Variants in AGAP1 observed in about 807,000 individuals in gnomAD.
AGAP1 encodes ArfGAP with GTPase domain, ankyrin repeat and PH domain 1.
A neutral mutation model predicts 105.3 loss-of-function variants in AGAP1; 29 were observed. The observed-to-expected ratio is 0.28, with a 90% CI of 0.21 to 0.38. The LOEUF (loss-of-function observed/expected upper bound fraction) is 0.38. AGAP1 is among the 10% of genes least tolerant of loss of function. The probability of loss-of-function intolerance (pLI) is 1.00; values close to 1 mark genes in which losing one functional copy is unlikely to be tolerated. For missense variants in AGAP1, 998 were observed against 1,165.1 expected, an observed-to-expected ratio of 0.86 and a Z score of 2.09; for synonymous variants, 509 against 485.9, an observed-to-expected ratio of 1.05 and a Z score of -0.63.
chr2:235,971,607 G>A lies in AGAP1; in HGVS notation c.1645+2984G>A, dbSNP rs185171564. Among the ~76,000 whole-genome samples, 155 of 151,872 alleles carry A rather than the reference G, an allele frequency of 1.0e-3. No homozygotes were observed. The highest frequency in any genetic ancestry group is 3.5e-3 in the African/African-American group (145 of 41,466). On this transcript the variant is annotated intron_variant, in intron 13 of 17. Coordinates refer to ENST00000304032, the MANE Select transcript of AGAP1 (RefSeq NM_001037131.3). The surrounding 1 kb of genome is among the most constrained non-coding windows in gnomAD (Gnocchi z 4.8). ...TGGGAGGCTGAGGCAGGAGAATGGCGTGAACCCAGGAGGTGGAGCTTGCAG... is the reference window on the plus strand; with the variant it reads ...TGGGAGGCTGAGGCAGGAGAATGGCATGAACCCAGGAGGTGGAGCTTGCAG...
Position 235,992,964 on chromosome 2 carries a change from C to A in AGAP1, c.1645+24341C>A, listed in dbSNP as rs546272500. Reference sequence around the variant, plus strand: ...GGCCACATAGTGGAACTGGAAATGCCTCCATGCTGACGTGTCTGCCTTTCA... The same window carrying A: ...GGCCACATAGTGGAACTGGAAATGCATCCATGCTGACGTGTCTGCCTTTCA... On this transcript the variant is annotated intron_variant, in intron 13 of 17. Transcript: ENST00000304032. The surrounding 1 kb of genome is among the most constrained non-coding windows in gnomAD (Gnocchi z 4.8). Among the ~76,000 whole-genome samples the A allele has an allele frequency of 3.3e-5, 5 of 152,268 alleles. No individual in the cohort carries two copies. Among genetic ancestry groups the A allele is most frequent in the Admixed American group, 2.6e-4 (4 of 15,290 alleles).
intron 17 of AGAP1, among the ~76,000 whole-genome samples, chr2:236,122,037 A>G (rs6710615): frequency 0.44 from 66,445 of 149,390 alleles, 14,921 homozygotes; most frequent in Middle Eastern, 0.54. Flanking sequence ...CTGTAACCTC[A>G]AACTCCTGGG....
chr2:235,866,690 T>G lies in AGAP1; in HGVS notation c.1051-16655T>G, dbSNP rs2049185857. 6.6e-6 allele frequency among the ~76,000 whole-genome samples: 1 copy of G among 152,208 alleles called. No individual in the cohort carries two copies. Among genetic ancestry groups the G allele is most frequent in the Admixed American group, 6.5e-5 (1 of 15,282 alleles). ...TGTCTTAAACAGCAAACATTTATTG[T>G]CTCCCAATTCTGGAGGCTGGAAGTC... On this transcript the variant is annotated intron_variant, in intron 9 of 17. Coordinates refer to ENST00000304032, the MANE Select transcript of AGAP1 (RefSeq NM_001037131.3). This position sits in a 1 kb window ranked among gnomAD's most constrained non-coding sequence, Gnocchi z 6.1.
Position 236,090,784 on chromosome 2 carries a change from G to C in AGAP1, c.2115-29408G>C, listed in dbSNP as rs2059039288. The stretch of plus-strand genomic sequence containing the variant: ...GACAGAGTTTGGTTCTTGTTGCCCA[G>C]CCTGGAGTGCAGTGGCACGATCTTG... On this transcript the variant is annotated intron_variant, in intron 16 of 17. Transcript: ENST00000304032. The surrounding 1 kb of genome is among the most constrained non-coding windows in gnomAD (Gnocchi z 4.3). Among the ~76,000 whole-genome samples, 1 of 152,136 alleles carries C rather than the reference G, an allele frequency of 6.6e-6. No homozygotes were observed. The highest frequency in any genetic ancestry group is 2.1e-4 in the South Asian group (1 of 4,830).
rs532218640 is a variant in AGAP1, at chr2:236,042,868, C to G, written c.1891+2027C>G. The stretch of plus-strand genomic sequence containing the variant: ...AGCACGCATTTGCTAAATGTGTGGT[C>G]TGTGTCAGCCCGGTGCCAAACCCTC... On this transcript the variant is annotated intron_variant, in intron 15 of 17. Coordinates refer to ENST00000304032, the MANE Select transcript of AGAP1 (RefSeq NM_001037131.3). This position sits in a 1 kb window ranked among gnomAD's most constrained non-coding sequence, Gnocchi z 5.6. Among the ~76,000 whole-genome samples the G allele has an allele frequency of 3.7e-4, 56 of 152,346 alleles. No individual in the cohort carries two copies. Among genetic ancestry groups the G allele is most frequent in the Admixed American group, 3.4e-3 (52 of 15,302 alleles).
At chr2:236,122,056 A>G (rs185311844) in intron 17 of AGAP1, among the ~76,000 whole-genome samples, 8 of 151,146 alleles carry the variant, frequency 5.3e-5, no homozygotes, top group Admixed American at 4.6e-4. Context: ...GGCTCAAGCA[A>G]TCCCCCCACC....
intron 1 of AGAP1, chr2:235,670,288 GGACGCGCCC>G (rs1948316891): frequency 6.8e-6 from 3 of 442,554 alleles, no homozygotes; most frequent in Non-Finnish European, 1.2e-5. Flanking sequence ...CGCGCTCCCC[GGACGCGCCC>G]GGGAGGCTTG....
chr2:235,774,775 A>G (rs1955733325), intron 6 of AGAP1, among the ~76,000 whole-genome samples: 1 of 152,164 alleles, frequency 6.6e-6, no homozygotes, highest in Admixed American at 6.5e-5. Context: ...GCAGTCCTAA[A>G]GTAATTACTA....
chr2:236,028,278 C>T (rs566514136), intron 13 of AGAP1, among the ~76,000 whole-genome samples: 17 of 152,138 alleles, frequency 1.1e-4, no homozygotes, highest in East Asian at 3.9e-4. Context: ...TTTCATTCTC[C>T]GGGAGAGGAG....
At chr2:235,803,601 T>A (rs1957691220) in intron 8 of AGAP1, among the ~76,000 whole-genome samples, 1 of 152,198 alleles carries the variant, frequency 6.6e-6, no homozygotes, top group African/African-American at 2.4e-5. Context: ...CATAGTTAAT[T>A]AAGTAATGCA....
In AGAP1 at chr2:235,999,713, G is replaced by A. The variant is rs569202092; in HGVS notation, c.1645+31090G>A. 2.4e-5 allele frequency among the ~76,000 whole-genome samples: 3 copies of A among 124,304 alleles called. No homozygotes were observed. In the East Asian group the frequency reaches 6.5e-4, roughly 27 times the overall value. The allele number at this position is 124,304 out of a possible 152,430, so 81.5% of individuals were successfully genotyped here. A position where few individuals can be genotyped will look rare whatever the true frequency, so the allele number is the denominator to read the frequency against. On this transcript the variant is annotated intron_variant, in intron 13 of 17. Transcript: ENST00000304032. Reference sequence around the variant, plus strand: ...TGGTGGTGATGATAGTGGTAATGGCGACGATGGCAGTTTGATGACCAATAT... The same window carrying A: ...TGGTGGTGATGATAGTGGTAATGGCAACGATGGCAGTTTGATGACCAATAT...
In AGAP1 at chr2:236,087,606, C is replaced by A. The variant is rs1455441943; in HGVS notation, c.2115-32586C>A. Among the ~76,000 whole-genome samples the A allele has an allele frequency of 6.6e-6, 1 of 152,154 alleles. No individual in the cohort carries two copies. Among genetic ancestry groups the A allele is most frequent in the Non-Finnish European group, 1.5e-5 (1 of 68,038 alleles). On this transcript the variant is annotated intron_variant, in intron 16 of 17. Transcript: ENST00000304032. This position sits in a 1 kb window ranked among gnomAD's most constrained non-coding sequence, Gnocchi z 5.7. ...TAGTTTGATGTTCTGAATCAGGCCC[C>A]TTGGTTAAGCGTGATAACATGATCA...
rs1553655430 is a variant in AGAP1 at position 235,867,574 on chromosome 2, T to TGC, written c.1051-15770_1051-15769dup. On this transcript the variant is annotated intron_variant, in intron 9 of 17. Transcript: ENST00000304032. The surrounding 1 kb of genome is among the most constrained non-coding windows in gnomAD (Gnocchi z 5.4). The stretch of plus-strand genomic sequence containing the variant: ...GTGTGTGTGTGTGTGTGTGTGTGTG[T>TGC]GCAAGTGAGGGAGGGTGACCCCCAC... Among the ~76,000 whole-genome samples the TGC allele has an allele frequency of 3.4e-5, 5 of 147,582 alleles. No homozygotes were observed. Among genetic ancestry groups the TGC allele is most frequent in the African/African-American group, 1.2e-4 (5 of 40,310 alleles).
At position 235,962,672 on chromosome 2, in the gene AGAP1, G is replaced by A. The variant is rs1012774538; in HGVS notation, c.1484-5790G>A. ...GTGGCACAGAGGCCAGGGTGCTGGA[G>A]AGGACACCCAGGAGGCTGAGATGCA... On this transcript the variant is annotated intron_variant, in intron 12 of 17. Coordinates refer to ENST00000304032, the MANE Select transcript of AGAP1 (RefSeq NM_001037131.3). This position sits in a 1 kb window ranked among gnomAD's most constrained non-coding sequence, Gnocchi z 5.3. 3.9e-5 allele frequency among the ~76,000 whole-genome samples: 6 copies of A among 152,198 alleles called. No individual in the cohort carries two copies. Among genetic ancestry groups the A allele is most frequent in the African/African-American group, 1.4e-4 (6 of 41,454 alleles).
At position 235,609,537 on chromosome 2, in the gene AGAP1, A is replaced by C. The variant is rs1946057436; in HGVS notation, c.164-99642A>C. 6.6e-6 allele frequency among the ~76,000 whole-genome samples: 1 copy of C among 152,044 alleles called. No individual in the cohort carries two copies. Among genetic ancestry groups the C allele is most frequent in the Non-Finnish European group, 1.5e-5 (1 of 68,022 alleles). Reference sequence around the variant, plus strand: ...GGCGTGCTGTGGTTATAGGCAGCCTACATGTCTTGAGTTTTCAGTAGAGAA... The same window carrying C: ...GGCGTGCTGTGGTTATAGGCAGCCTCCATGTCTTGAGTTTTCAGTAGAGAA... On this transcript the variant is annotated intron_variant, in intron 1 of 17. Transcript: ENST00000304032. This position sits in a 1 kb window ranked among gnomAD's most constrained non-coding sequence, Gnocchi z 5.1.
At chr2:235,767,136 C>T (rs968913915) in intron 6 of AGAP1, among the ~76,000 whole-genome samples, 1 of 152,108 alleles carries the variant, frequency 6.6e-6, no homozygotes, top group African/African-American at 2.4e-5. Flanking sequence ...GTCTCAAACT[C>T]CTGACCTCAG....
chr2:236,028,359 T>A (rs2057119612), intron 13 of AGAP1, among the ~76,000 whole-genome samples: 1 of 152,204 alleles, frequency 6.6e-6, no homozygotes, highest in Non-Finnish European at 1.5e-5. Flanking sequence ...TAAAGCCTTC[T>A]CTTTGCCACC....
At chr2:235,591,870 C>G (rs1292053268) in intron 1 of AGAP1, among the ~76,000 whole-genome samples, 2 of 145,580 alleles carry the variant, frequency 1.4e-5, no homozygotes, top group Non-Finnish European at 3.0e-5. Context: ...CCCACCACTT[C>G]TCTCTTGCTC....
chr2:236,048,740 G>A lies in AGAP1; in HGVS notation c.1892-319G>A, dbSNP rs1427188215. Among the ~76,000 whole-genome samples the A allele has an allele frequency of 3.3e-5, 5 of 152,202 alleles. No homozygotes were observed. In the East Asian group the frequency reaches 9.6e-4, roughly 29 times the overall value. ...CACGTGCTTTTTCCCACACAGGTCA[G>A]CCCTCTCAAGGTGAATGCTGCTGTG... On this transcript the variant is annotated intron_variant, in intron 15 of 17. Transcript: ENST00000304032.
Sources: gnomAD v4.1 joint callset for allele counts (sites outside exome capture counted in the v4.1 genomes callset) on GRCh38, gnomAD v4.1.1 for gene constraint, Gnocchi (gnomAD v3.1) non-coding constraint, MANE v1.5 for transcripts, NCBI Gene and HGNC (gene_info 2026-07-23, HGNC 2026-07-21) for gene names.